Variants in ABCA9 observed in about 807,000 individuals in gnomAD.
ABCA9 encodes the protein ATP-binding cassette sub-family A member 9.
Under a neutral mutation model 205.3 loss-of-function variants are expected in ABCA9, and 183 were observed. The observed-to-expected ratio is 0.89, with a 90% CI of 0.79 to 1.01. ABCA9 has a LOEUF of 1.01. ABCA9 is among the 50% of genes least tolerant of loss of function. The pLI is 0.00. For synonymous variants in ABCA9, 651 were observed against 683.3 expected, an observed-to-expected ratio of 0.95 and a Z score of 0.74; for missense variants, 1,805 against 1,912.4, an observed-to-expected ratio of 0.94 and a Z score of 1.05.
chr17:69,025,053 A>G (rs748967387), intron 16 of ABCA9, among the ~76,000 whole-genome samples: 7 of 152,182 alleles, frequency 4.6e-5, no homozygotes, highest in Non-Finnish European at 7.4e-5. Context: ...TGTACTTACA[A>G]GGTATAGTAC....
At chr17:68,989,281 C>T in intron 30 of ABCA9, 163 bp from the exon 31 acceptor site, 1 of 521,208 alleles carries the variant, frequency 1.9e-6, no homozygotes, top group Middle Eastern at 5.3e-4. Flanking sequence ...CACACACACA[C>T]ACACACACAC....
chr17:69,057,131 C>T (rs1250401418), intron 1 of ABCA9, among the ~76,000 whole-genome samples: 1 of 152,194 alleles, frequency 6.6e-6, no homozygotes, highest in African/African-American at 2.4e-5. Flanking sequence ...CTAATCTTCA[C>T]ATCTATGATG....
Position 69,020,599 on chromosome 17 carries a change from A to G in ABCA9, c.2402-13T>C, listed in dbSNP as rs1160715425. On this transcript the variant is annotated splice_polypyrimidine_tract_variant and intron_variant, in intron 18 of 38. Transcript: ENST00000340001. ...CAAATTCCAATATCTAAAACATAAG[A>G]TCAATATTTTATAAAGTGCCATTTT... The G allele has an allele frequency of 1.2e-6, 2 of 1,606,046 alleles. No homozygotes were observed. Among genetic ancestry groups the G allele is most frequent in the African/African-American group, 1.3e-5 (1 of 74,672 alleles).
At chr17:69,049,846 G>C (rs1331719050) in intron 2 of ABCA9, among the ~76,000 whole-genome samples, 2 of 152,104 alleles carry the variant, frequency 1.3e-5, no homozygotes, top group African/African-American at 4.8e-5. Flanking sequence ...TGTGGAATAG[G>C]TAACTAGCTT....
At chr17:68,999,233 G>A (rs913270014) in intron 25 of ABCA9, among the ~76,000 whole-genome samples, 56 of 141,630 alleles carry the variant, frequency 4.0e-4, no homozygotes, top group African/African-American at 1.3e-3. Context: ...CCACTAACTC[G>A]TCATCTAGCA....
At chr17:69,050,150 A>G (rs1359377328) in intron 2 of ABCA9, among the ~76,000 whole-genome samples, 1 of 152,046 alleles carries the variant, frequency 6.6e-6, no homozygotes, top group East Asian at 1.9e-4. Context: ...TTTCTATCTT[A>G]ATAGAAAAAT....
At chr17:69,035,836 G>A (rs773999286) in intron 6 of ABCA9, 35 bp from the exon 7 acceptor site, 11 of 1,588,372 alleles carry the variant, frequency 6.9e-6, no homozygotes, top group Middle Eastern at 3.4e-4. Flanking sequence ...TTAGAATGTT[G>A]TTACTTCATC....
At position 69,018,414 on chromosome 17, in the gene ABCA9, T is replaced by A; in HGVS notation, c.2766A>T (p.Thr922=). 6.5e-7 allele frequency: 1 copy of A among 1,547,278 alleles called. No individual in the cohort carries two copies. Among genetic ancestry groups the A allele is most frequent in the Non-Finnish European group, 8.7e-7 (1 of 1,153,274 alleles). The change falls in exon 20 of 39, where the codon ACA becomes ACT. Residue 922 remains threonine (T), a splice_region_variant and synonymous_variant. Coordinates refer to ENST00000340001, the MANE Select transcript of ABCA9 (RefSeq NM_080283.4). ...PLTHLLVINK[T]GSTIDNFLHS... ...GCTGCATTTCAGCCCCATGTTCACC[T>A]GTCTTATTGATGACCAGTAAATGGG...
intron 3 of ABCA9, among the ~76,000 whole-genome samples, chr17:69,046,858 C>A (rs2071722808): frequency 7.2e-6 from 1 of 138,414 alleles, no homozygotes; most frequent in Non-Finnish European, 1.5e-5. Flanking sequence ...TACACATTGC[C>A]TGAAGGCGAT....
At chr17:68,997,033 C>A (rs1347329646) in intron 25 of ABCA9, among the ~76,000 whole-genome samples, 1 of 152,228 alleles carries the variant, frequency 6.6e-6, no homozygotes, top group Non-Finnish European at 1.5e-5. Flanking sequence ...CAGGTTCAAG[C>A]GATTCTCCTG....
intron 2 of ABCA9, among the ~76,000 whole-genome samples, chr17:69,050,266 A>G (rs1598413350): frequency 6.6e-6 from 1 of 151,956 alleles, no homozygotes; most frequent in Non-Finnish European, 1.5e-5. Flanking sequence ...CTATGCAGGA[A>G]TTGTTGTATA....
chr17:68,985,211 G>A (rs1468616725), intron 32 of ABCA9, 83 bp from the exon 33 acceptor site: 62 of 1,569,658 alleles, frequency 3.9e-5, no homozygotes, highest in East Asian at 2.0e-4. Flanking sequence ...GAAACACGAC[G>A]GTGGGGGAGG....
intron 16 of ABCA9, among the ~76,000 whole-genome samples, chr17:69,024,999 T>A (rs1200040633): frequency 6.6e-6 from 1 of 152,092 alleles, no homozygotes; most frequent in East Asian, 1.9e-4. Context: ...CACAATTGAC[T>A]GATGATACAA....
intron 37 of ABCA9, among the ~76,000 whole-genome samples, chr17:68,979,069 G>A (rs2068964932): frequency 6.6e-6 from 1 of 152,152 alleles, no homozygotes; most frequent in African/African-American, 2.4e-5. Flanking sequence ...TCCTTAAGCT[G>A]ATAGGCAACT....
rs2069396800 is a variant in ABCA9 at position 68,990,076 on chromosome 17, TC to T, written c.3838-147del. The T allele has an allele frequency of 6.0e-6, 4 of 670,084 alleles. No homozygotes were observed. The East Asian group carries it at 1.0e-4, about 17-fold the overall frequency. The allele number at this position is 670,084 out of a possible 1,614,324, so 41.5% of individuals were successfully genotyped here. A position where few individuals can be genotyped will look rare whatever the true frequency, so the allele number is the denominator to read the frequency against. On this transcript the variant is annotated intron_variant, in intron 29 of 38. Transcript: ENST00000340001. ...TAGAAACTGCCATTTTCAAGTGAAC[TC>T]TTACAGTCTACATTCCTGCAAGGAA...
At chr17:68,977,006 G>A (rs919956454) in intron 37 of ABCA9, among the ~76,000 whole-genome samples, 1 of 151,092 alleles carries the variant, frequency 6.6e-6, no homozygotes, top group Non-Finnish European at 1.5e-5. Flanking sequence ...TTGGACATAG[G>A]ACTAGTCCCT....
At chr17:68,985,419 T>G (rs1271014646) in intron 32 of ABCA9, among the ~76,000 whole-genome samples, 1 of 151,662 alleles carries the variant, frequency 6.6e-6, no homozygotes, top group Non-Finnish European at 1.5e-5. Flanking sequence ...GTCAAGAGAT[T>G]GAGACCATCC....
chr17:69,001,043 T>C (rs983658322), intron 25 of ABCA9, among the ~76,000 whole-genome samples: 7 of 152,136 alleles, frequency 4.6e-5, no homozygotes, highest in African/African-American at 1.7e-4. Flanking sequence ...GTTTTCTAGA[T>C]ATACAATCAT....
the ABCA9 span, among the ~76,000 whole-genome samples, chr17:69,068,294 C>T: frequency 6.6e-6 from 1 of 152,102 alleles, no homozygotes; most frequent in Non-Finnish European, 1.5e-5. Flanking sequence ...ACTTAAAAAA[C>T]CTTAAGAAGA....
Sources: allele counts gnomAD v4.1 joint callset (sites outside exome capture counted in the v4.1 genomes callset), GRCh38; gene constraint gnomAD v4.1.1; transcripts MANE v1.5; gene names NCBI Gene and HGNC (gene_info 2026-07-23, HGNC 2026-07-21).